Variants in RSPH14 observed in about 807,000 individuals in gnomAD.
The protein encoded by RSPH14 is radial spoke head 14 homolog, also known as rhabdoid tumor deletion region gene 1.
A neutral mutation model predicts 26.7 loss-of-function variants in RSPH14; 20 were observed. That is an observed-to-expected ratio of 0.75 (90% confidence interval 0.53 to 1.09). The LOEUF (loss-of-function observed/expected upper bound fraction) is 1.09, where lower values mean the gene tolerates loss of function less well. RSPH14 is among the 50% of genes least tolerant of loss of function. The pLI, the probability that RSPH14 is intolerant of heterozygous loss-of-function variation, is 0.00. For missense variants in RSPH14, 449 were observed against 457.2 expected (o/e 0.98, Z 0.16); for synonymous variants, 177 against 189.3 (o/e 0.93, Z 0.53).
chr22:23,179,922 G>A, the RSPH14 span: 3 of 271,238 alleles, frequency 1.1e-5, no homozygotes, highest in Non-Finnish European at 2.0e-5. Flanking sequence ...ACTTACCTGC[G>A]TCTCCATGGA....
the RSPH14 span, among the ~76,000 whole-genome samples, chr22:23,170,853 A>C: frequency 6.6e-6 from 1 of 151,550 alleles, no homozygotes; most frequent in Non-Finnish European, 1.5e-5. Context: ...ATACCTACAT[A>C]TTTCCCACTT....
At chr22:23,066,871 A>AT (rs1480514331) in intron 4 of RSPH14, among the ~76,000 whole-genome samples, 1 of 152,122 alleles carries the variant, frequency 6.6e-6, no homozygotes, top group Non-Finnish European at 1.5e-5. Flanking sequence ...CAAGCAACAT[A>AT]TGCCCACCCC....
At position 23,093,684 on chromosome 22, in the gene RSPH14, GT is replaced by G. The variant is rs551511391; in HGVS notation, c.422-29552del. 8.0e-4 allele frequency among the ~76,000 whole-genome samples: 122 copies of G among 152,240 alleles called. 2 individuals carry two copies. The highest frequency in any genetic ancestry group is 5.9e-4 in the Non-Finnish European group (40 of 68,036). ...GTGAGGGACAGGCTCTGAGATGGGA[GT>G]AAGTCGCCAGAGGCCACACAACCTG... is the stretch of plus-strand genomic sequence containing the variant. On this transcript the variant is annotated intron_variant, in intron 4 of 6. Coordinates refer to ENST00000216036, the MANE Select transcript of RSPH14 (RefSeq NM_014433.3).
At chr22:23,086,884 G>A (rs779605055) in intron 4 of RSPH14, among the ~76,000 whole-genome samples, 2 of 152,230 alleles carry the variant, frequency 1.3e-5, no homozygotes, top group African/African-American at 2.4e-5. Context: ...AGCTGCCACC[G>A]AGGAGGCCCC....
chr22:23,158,802 G>T, the RSPH14 span: 1 of 1,088,314 alleles, frequency 9.2e-7, no homozygotes, highest in Non-Finnish European at 1.4e-6. Context: ...TCCCAGCCCA[G>T]CACTTCAGCC....
the RSPH14 span, among the ~76,000 whole-genome samples, chr22:23,159,544 C>T: frequency 3.3e-5 from 5 of 152,360 alleles, no homozygotes; most frequent in African/African-American, 9.6e-5. Flanking sequence ...AACCGGAGAA[C>T]CCCATAACTA....
intron 4 of RSPH14, among the ~76,000 whole-genome samples, chr22:23,130,496 A>AAAAGAAAGAAAG (rs1555939817): frequency 1.9e-4 from 21 of 110,688 alleles, no homozygotes; most frequent in Non-Finnish European, 3.9e-4. Flanking sequence ...GAAGGAAAGA[A>AAAAGAAAGAAAG]AAAGAAAGAA....
chr22:23,085,861 A>G (rs947975649), intron 4 of RSPH14, among the ~76,000 whole-genome samples: 2 of 152,234 alleles, frequency 1.3e-5, no homozygotes, highest in African/African-American at 2.4e-5. Context: ...CCTTCCCCAG[A>G]GGAAGGTAAT....
chr22:23,081,885 G>A (rs907069576), intron 4 of RSPH14, among the ~76,000 whole-genome samples: 4 of 151,392 alleles, frequency 2.6e-5, no homozygotes, highest in African/African-American at 7.3e-5. Context: ...CAGCACTTTG[G>A]GGGGCCGAGG....
chr22:23,149,306 C>T (rs1042482455), upstream of RSPH14, among the ~76,000 whole-genome samples: 2 of 152,190 alleles, frequency 1.3e-5, no homozygotes, highest in African/African-American at 2.4e-5. Context: ...CTGGGCCAAT[C>T]CAATGGCAAA....
the RSPH14 span, chr22:23,156,030 A>G: frequency 1.9e-6 from 3 of 1,611,788 alleles, no homozygotes; most frequent in Non-Finnish European, 2.5e-6. Context: ...CGGGGTGCCC[A>G]GGGTGAGCAA....
intron 5 of RSPH14, among the ~76,000 whole-genome samples, chr22:23,062,279 T>C (rs2068113827): frequency 1.3e-5 from 2 of 152,194 alleles, no homozygotes; most frequent in Non-Finnish European, 2.9e-5. Context: ...AGACCTGTTT[T>C]GACTTTGCCT....
At chr22:23,156,115 C>A in the RSPH14 span, 3 of 1,064,376 alleles carry the variant, frequency 2.8e-6, no homozygotes, top group South Asian at 4.5e-5. Flanking sequence ...CCCGAGTTCT[C>A]TGCACAGGCA....
intron 4 of RSPH14, among the ~76,000 whole-genome samples, chr22:23,089,389 G>A (rs1197662644): frequency 6.6e-6 from 1 of 152,200 alleles, no homozygotes; most frequent in Non-Finnish European, 1.5e-5. Flanking sequence ...ATGGCCTGGT[G>A]TGGTCCTGGC....
chr22:23,153,127 C>T, the RSPH14 span: 7 of 1,613,544 alleles, frequency 4.3e-6, no homozygotes, highest in South Asian at 6.6e-5. Flanking sequence ...TCCCTATAGC[C>T]TCCAGATGTA....
At chr22:23,134,325 G>C (rs2070420977) in intron 3 of RSPH14, among the ~76,000 whole-genome samples, 181 bp from the exon 4 acceptor site, 1 of 152,042 alleles carries the variant, frequency 6.6e-6, no homozygotes, top group African/African-American at 2.4e-5. Flanking sequence ...GAACCTCCAG[G>C]GGAGCGAGCT....
chr22:23,140,613 G>A, intron 1 of RSPH14, 141 bp from the exon 2 acceptor site: 2 of 1,037,904 alleles, frequency 1.9e-6, no homozygotes, highest in Non-Finnish European at 2.7e-6. Flanking sequence ...TGAGAGCAAT[G>A]AAGAGATTTG....
chr22:23,092,540 G>A (rs2069010945), intron 4 of RSPH14, among the ~76,000 whole-genome samples: 4 of 152,190 alleles, frequency 2.6e-5, no homozygotes, highest in Admixed American at 2.6e-4. Flanking sequence ...CCATGCAGGT[G>A]ACAGACTTGG....
At chr22:23,149,588 AG>A (rs2070988211), upstream of RSPH14, among the ~76,000 whole-genome samples, 1 of 152,226 alleles carries the variant, frequency 6.6e-6, no homozygotes, top group Non-Finnish European at 1.5e-5. Flanking sequence ...CCCAAGTTGG[AG>A]TGCAGTGGCA....
Sources: gnomAD v4.1 joint callset for allele counts (sites outside exome capture counted in the v4.1 genomes callset) on GRCh38, gnomAD v4.1.1 for gene constraint, MANE v1.5 for transcripts, NCBI Gene and HGNC (gene_info 2026-07-23, HGNC 2026-07-21) for gene names.